ULK4: variants seen among roughly 807,000 people sequenced by gnomAD.
ULK4 encodes inactive serine/threonine-protein kinase ULK4.
Under a neutral mutation model 160.6 loss-of-function variants are expected in ULK4, and 133 were observed. The observed-to-expected ratio is 0.83, with a 90% confidence interval of 0.72 to 0.96. The LOEUF (loss-of-function observed/expected upper bound fraction) is 0.96. ULK4 is among the 40% of genes least tolerant of loss of function. The pLI, the probability that ULK4 is intolerant of heterozygous loss-of-function variation, is 0.00. For missense variants in ULK4, 1,580 were observed against 1,499.5 expected, an observed-to-expected ratio of 1.05 and a Z score of -0.89; for synonymous variants, 534 against 539.8, an observed-to-expected ratio of 0.99 and a Z score of 0.15.
chr3:41,584,865 C>G (rs960651015), intron 31 of ULK4, among the ~76,000 whole-genome samples: 1 of 152,002 alleles, frequency 6.6e-6, no homozygotes, highest in South Asian at 2.1e-4. Context: ...TAGCTAACAA[C>G]CAATCTGAAG....
chr3:41,422,927 C>T (rs1463342508), intron 34 of ULK4, among the ~76,000 whole-genome samples: 1 of 152,074 alleles, frequency 6.6e-6, no homozygotes, highest in Non-Finnish European at 1.5e-5. Context: ...ATCTGAATGG[C>T]CATCCATCAG....
chr3:41,767,723 T>A (rs997532808), intron 21 of ULK4, among the ~76,000 whole-genome samples: 3 of 152,142 alleles, frequency 2.0e-5, no homozygotes, highest in Non-Finnish European at 2.9e-5. Context: ...AACAGATAAA[T>A]CTTACATACA....
intron 35 of ULK4, among the ~76,000 whole-genome samples, chr3:41,304,342 A>C (rs2079861928): frequency 6.6e-6 from 1 of 151,906 alleles, no homozygotes; most frequent in South Asian, 2.1e-4. Context: ...ATGATATGTA[A>C]AACAGTGAAC....
intron 34 of ULK4, among the ~76,000 whole-genome samples, chr3:41,453,203 T>A (rs565691434): frequency 1.4e-4 from 21 of 152,308 alleles, no homozygotes; most frequent in African/African-American, 5.1e-4. Flanking sequence ...GGTCTCACTC[T>A]TTCACTCTTT....
intron 2 of ULK4, among the ~76,000 whole-genome samples, chr3:41,953,601 G>C (rs988597609): frequency 6.6e-6 from 1 of 151,932 alleles, no homozygotes; most frequent in East Asian, 1.9e-4. Flanking sequence ...GCTAGGTATG[G>C]TCCAAGAAGC....
chr3:41,561,310 T>C (rs1052078150), intron 32 of ULK4, among the ~76,000 whole-genome samples: 14 of 152,200 alleles, frequency 9.2e-5, no homozygotes, highest in Non-Finnish European at 1.9e-4. Flanking sequence ...ATCAAGGATA[T>C]TGGTCTAAAA....
intron 21 of ULK4, among the ~76,000 whole-genome samples, chr3:41,771,652 T>C (rs1258627401): frequency 2.0e-5 from 3 of 152,066 alleles, no homozygotes; most frequent in Non-Finnish European, 4.4e-5. Context: ...AAGACCATAA[T>C]ACCTAATACC....
At chr3:41,864,411 TATGAGA>T (rs1262018609) in intron 17 of ULK4, among the ~76,000 whole-genome samples, 2 of 152,090 alleles carry the variant, frequency 1.3e-5, no homozygotes, top group African/African-American at 4.8e-5. Context: ...CTTTCAGCGA[TATGAGA>T]TTAAAACCCG....
At chr3:41,941,165 T>G (rs553787152) in intron 2 of ULK4, among the ~76,000 whole-genome samples, 2 of 150,568 alleles carry the variant, frequency 1.3e-5, no homozygotes, top group African/African-American at 4.9e-5. Context: ...GCCTCCAGAG[T>G]AGTGGGGACC....
rs149240298 is a variant in ULK4 at position 41,773,055 on chromosome 3, C to T, written c.2193+16606G>A. Among the ~76,000 whole-genome samples, 654 of 152,146 alleles carry T rather than the reference C, an allele frequency of 4.3e-3. 3 individuals carry two copies. Among genetic ancestry groups the T allele is most frequent in the African/African-American group, 0.014 (571 of 41,514 alleles). ...CTAAAAACTCTCAATAAATTAGGTA[C>T]TGATGGGACATATCTCGAAATAATA... is the stretch of plus-strand genomic sequence containing the variant. On this transcript the variant is annotated intron_variant, in intron 21 of 36. Transcript: ENST00000301831.
At chr3:41,611,822 T>C (rs190928612) in intron 31 of ULK4, among the ~76,000 whole-genome samples, 31 of 152,194 alleles carry the variant, frequency 2.0e-4, no homozygotes, top group Admixed American at 1.7e-3. Flanking sequence ...GCCAAACAAA[T>C]AAGAAATAAC....
chr3:41,832,774 C>T (rs2041633641), intron 18 of ULK4, among the ~76,000 whole-genome samples: 1 of 152,196 alleles, frequency 6.6e-6, no homozygotes, highest in African/African-American at 2.4e-5. Context: ...CCAGTTTCCC[C>T]AGCACCATTT....
intron 35 of ULK4, among the ~76,000 whole-genome samples, chr3:41,369,777 G>C (rs997771287): frequency 6.9e-6 from 1 of 144,392 alleles, no homozygotes; most frequent in Admixed American, 7.1e-5. Context: ...CTGGGTGACA[G>C]AGTGAGACTA....
At chr3:41,482,274 G>C (rs1361001467) in intron 32 of ULK4, among the ~76,000 whole-genome samples, 1 of 152,102 alleles carries the variant, frequency 6.6e-6, no homozygotes, top group East Asian at 1.9e-4. Context: ...TCCTTCCCTT[G>C]GCACTTCAGA....
At chr3:41,254,614 G>A (rs796079551) in intron 35 of ULK4, among the ~76,000 whole-genome samples, 5 of 152,304 alleles carry the variant, frequency 3.3e-5, no homozygotes, top group African/African-American at 1.2e-4. Context: ...GGGCGCGGTG[G>A]CTCACACCTG....
intron 4 of ULK4, among the ~76,000 whole-genome samples, chr3:41,935,201 ATTTATTTATTTTTTT>A (rs1699727498): frequency 2.4e-3 from 6 of 2,540 alleles, no homozygotes; most frequent in African/African-American, 2.8e-3. Flanking sequence ...GTTTTTATTT[ATTTATTTATTTTTTT>A]TTTTTTTTTT....
chr3:41,346,326 A>C, intron 35 of ULK4, among the ~76,000 whole-genome samples: 1 of 152,098 alleles, frequency 6.6e-6, no homozygotes, highest in Non-Finnish European at 1.5e-5. Context: ...AACATCCAGG[A>C]CTTATTTTTA....
intron 31 of ULK4, among the ~76,000 whole-genome samples, chr3:41,569,137 T>C (rs1156654967): frequency 6.6e-6 from 1 of 152,226 alleles, no homozygotes; most frequent in African/African-American, 2.4e-5. Context: ...TATTCAGCTA[T>C]CTGGAAGTTC....
chr3:41,592,693 C>T (rs1214992649), intron 31 of ULK4, among the ~76,000 whole-genome samples: 1 of 152,074 alleles, frequency 6.6e-6, no homozygotes, highest in East Asian at 1.9e-4. Flanking sequence ...TAATTTAAAA[C>T]AGAAACATTG....
Sources: gnomAD v4.1 joint callset for allele counts (sites outside exome capture counted in the v4.1 genomes callset) on GRCh38, gnomAD v4.1.1 for gene constraint, MANE v1.5 for transcripts, NCBI Gene and HGNC (gene_info 2026-07-23, HGNC 2026-07-21) for gene names.